Variants in TMCC1 observed in about 807,000 individuals in gnomAD.
TMCC1 encodes the protein transmembrane and coiled-coil domain family 1.
In TMCC1, 15 loss-of-function variants were observed where a neutral mutation model predicts 52.4. The observed-to-expected ratio is 0.29, with a 90% CI of 0.19 to 0.44. TMCC1 has a LOEUF of 0.44. Ranked by LOEUF, TMCC1 falls within the 20% of genes least tolerant of loss-of-function variation. TMCC1 has a pLI of 1.00. For synonymous variants in TMCC1, 279 were observed against 301.9 expected, an observed-to-expected ratio of 0.92 and a Z score of 0.79; for missense variants, 503 against 806.0, an observed-to-expected ratio of 0.62 and a Z score of 4.55.
At chr3:129,723,342 G>T (rs2049783661) in intron 4 of TMCC1, among the ~76,000 whole-genome samples, 1 of 147,338 alleles carries the variant, frequency 6.8e-6, no homozygotes. Flanking sequence ...AAGTAGCTGA[G>T]CACTAAGAAA....
In TMCC1 at chr3:129,810,227, G is replaced by A. The variant is rs920796693; in HGVS notation, c.576+17576C>T. On this transcript the variant is annotated intron_variant, in intron 4 of 6. Transcript: ENST00000393238. ...ACAAAAATTAGCTGGGCATGGTGGC[G>A]GGCACGTGTAGTCCCAGCTACTAGG... 3.3e-5 allele frequency among the ~76,000 whole-genome samples: 5 copies of A among 151,964 alleles called. No homozygotes were observed. The East Asian group carries it at 5.8e-4, about 18-fold the overall frequency.
chr3:129,726,748 G>A lies in TMCC1; in HGVS notation c.577-55484C>T, dbSNP rs745554853. On this transcript the variant is annotated intron_variant, in intron 4 of 6. Transcript: ENST00000393238. ...ACAAAAATTAGCTGGGTGAGGTGGC[G>A]CACACCTGTAATCTCGGCTACTTGG... Among the ~76,000 whole-genome samples the A allele has an allele frequency of 5.3e-5, 8 of 150,286 alleles. 1 individual carries two copies. The highest frequency in any genetic ancestry group is 2.0e-4 in the Admixed American group (3 of 15,042).
chr3:129,780,046 T>TA (rs1349188110), intron 4 of TMCC1, among the ~76,000 whole-genome samples: 1 of 152,126 alleles, frequency 6.6e-6, no homozygotes, highest in South Asian at 2.1e-4. Flanking sequence ...TTTTCACTGT[T>TA]AAACTTCTCA....
chr3:129,710,013 C>T (rs1251936959), intron 4 of TMCC1, among the ~76,000 whole-genome samples: 5 of 151,872 alleles, frequency 3.3e-5, no homozygotes, highest in African/African-American at 4.8e-5. Context: ...GGTGAAACTC[C>T]GTCTCTACTA....
At chr3:129,890,201 A>T (rs2061901951) in intron 1 of TMCC1, among the ~76,000 whole-genome samples, 1 of 152,238 alleles carries the variant, frequency 6.6e-6, no homozygotes, top group Non-Finnish European at 1.5e-5. Flanking sequence ...AGCAGTGCTC[A>T]AACACTTTAA....
intron 4 of TMCC1, among the ~76,000 whole-genome samples, chr3:129,756,558 C>G (rs1357074308): frequency 2.6e-5 from 4 of 152,136 alleles, no homozygotes; most frequent in African/African-American, 9.7e-5. Context: ...ACCACCAAGC[C>G]TGGCTGATTT....
chr3:129,827,244 T>C (rs2058697649), intron 4 of TMCC1, among the ~76,000 whole-genome samples: 1 of 150,198 alleles, frequency 6.7e-6, no homozygotes, highest in Admixed American at 6.6e-5. Flanking sequence ...CTAGATTTAA[T>C]ATGCCTGGTT....
intron 4 of TMCC1, among the ~76,000 whole-genome samples, chr3:129,768,102 T>C (rs1476628841): frequency 1.3e-5 from 2 of 152,280 alleles, no homozygotes; most frequent in African/African-American, 2.4e-5. Flanking sequence ...GGTGGGAGGA[T>C]TGCCTGAGCC....
In TMCC1 at chr3:129,670,333, T is replaced by C. The variant is rs749114709; in HGVS notation, c.1508A>G (p.Tyr503Cys). Residue 503 changes from tyrosine (Y) to cysteine (C), a missense_variant, in exon 5 of 7, where the codon TAT becomes TGT. Tyr to Cys is a radical substitution (Grantham distance 194). Coordinates refer to ENST00000393238, the MANE Select transcript of TMCC1 (RefSeq NM_001017395.5). ...LIMQTLQEERYRCERLEEQLN... is the reference protein window; with the variant it reads ...LIMQTLQEERCRCERLEEQLN... ...ATATTAATTCCATGTGACTTACCTA[T>C]ATCGCTCCTCCTGTAAGGTCTGCAT... is the stretch of plus-strand genomic sequence containing the variant. 3.1e-6 allele frequency: 5 copies of C among 1,612,864 alleles called. No homozygotes were observed. The highest frequency in any genetic ancestry group is 1.7e-5 in the Admixed American group (1 of 59,912).
intron 2 of TMCC1, among the ~76,000 whole-genome samples, chr3:129,858,992 T>C (rs2060263232): frequency 6.6e-6 from 1 of 152,182 alleles, no homozygotes; most frequent in African/African-American, 2.4e-5. Context: ...TCTCAAACTG[T>C]TGAAGCAATT....
At chr3:129,839,514 G>A (rs948271551) in intron 2 of TMCC1, among the ~76,000 whole-genome samples, 5 of 152,018 alleles carry the variant, frequency 3.3e-5, no homozygotes, top group African/African-American at 1.2e-4. Context: ...CAGCTACTCA[G>A]GAGGCTGAGG....
At chr3:129,694,277 T>G (rs1387881519) in intron 4 of TMCC1, among the ~76,000 whole-genome samples, 1 of 152,264 alleles carries the variant, frequency 6.6e-6, no homozygotes, top group East Asian at 1.9e-4. Context: ...CTGTGTTGTC[T>G]TAGTAATTGC....
intron 4 of TMCC1, among the ~76,000 whole-genome samples, chr3:129,707,689 T>C (rs2048346777): frequency 6.6e-6 from 1 of 152,120 alleles, no homozygotes; most frequent in Non-Finnish European, 1.5e-5. Flanking sequence ...ATCCCAGCAC[T>C]TTGGGAGGCC....
At chr3:129,717,035 G>C (rs1447655313) in intron 4 of TMCC1, among the ~76,000 whole-genome samples, 2 of 152,190 alleles carry the variant, frequency 1.3e-5, no homozygotes. Context: ...CCTTCAGCAT[G>C]TAAATCTTAT....
chr3:129,860,672 T>C (rs575162153), intron 2 of TMCC1, among the ~76,000 whole-genome samples: 5 of 151,976 alleles, frequency 3.3e-5, no homozygotes, highest in African/African-American at 7.2e-5. Flanking sequence ...CGATCTCAGC[T>C]CACTGCTACC....
At chr3:129,703,053 C>T (rs572848219) in intron 4 of TMCC1, among the ~76,000 whole-genome samples, 5 of 152,258 alleles carry the variant, frequency 3.3e-5, no homozygotes, top group East Asian at 1.9e-4. Context: ...AAGGATTTAT[C>T]TCAATTTGTT....
At chr3:129,827,758 T>C (rs757742734) in intron 4 of TMCC1, 45 bp downstream of exon 4, 3 of 1,584,210 alleles carry the variant, frequency 1.9e-6, no homozygotes, top group South Asian at 1.1e-5. Flanking sequence ...GTCCTAGGTA[T>C]GAAAAACAGT....
chr3:129,775,199 C>A (rs1365299615), intron 4 of TMCC1, among the ~76,000 whole-genome samples: 1 of 152,038 alleles, frequency 6.6e-6, no homozygotes, highest in African/African-American at 2.4e-5. Flanking sequence ...AATTCCAGCA[C>A]TTTGGGAGGC....
intron 4 of TMCC1, among the ~76,000 whole-genome samples, chr3:129,808,125 T>G (rs2057570919): frequency 6.6e-6 from 1 of 150,672 alleles, no homozygotes; most frequent in African/African-American, 2.4e-5. Flanking sequence ...AAGGCTGTAG[T>G]GAGCTGCGAC....
Sources: allele counts gnomAD v4.1 joint callset (sites outside exome capture counted in the v4.1 genomes callset), GRCh38; gene constraint gnomAD v4.1.1; transcripts MANE v1.5; gene names NCBI Gene and HGNC (gene_info 2026-07-23, HGNC 2026-07-21).